KICS2: variants seen among roughly 807,000 people sequenced by gnomAD.
The protein encoded by KICS2 is KICSTOR complex protein C12orf66.
A neutral mutation model predicts 31.4 loss-of-function variants in KICS2; 13 were observed. The ratio of observed to expected loss-of-function variants is 0.41; its 90% CI spans 0.27 to 0.66. The LOEUF (loss-of-function observed/expected upper bound fraction) is 0.66. Ranked by LOEUF, KICS2 falls within the 30% of genes least tolerant of loss-of-function variation. KICS2 has a pLI of 0.28. For missense variants in KICS2, 455 were observed against 545.4 expected (o/e 0.83, Z 1.65); for synonymous variants, 209 against 214.8 (o/e 0.97, Z 0.24).
intron 1 of KICS2, among the ~76,000 whole-genome samples, chr12:64,219,391 G>C (rs2037658001): frequency 1.3e-5 from 2 of 152,124 alleles, no homozygotes; most frequent in South Asian, 2.1e-4. Context: ...CTCTCTTAAA[G>C]GAAAGAGAAG....
At chr12:64,195,929 A>G (rs1189267199) in intron 2 of KICS2, among the ~76,000 whole-genome samples, 7 of 152,258 alleles carry the variant, frequency 4.6e-5, no homozygotes, top group African/African-American at 7.2e-5. Context: ...ATTATATCCC[A>G]CACCTGGCTT....
intron 2 of KICS2, among the ~76,000 whole-genome samples, chr12:64,196,034 G>A (rs1482846612): frequency 1.3e-5 from 2 of 152,288 alleles, no homozygotes; most frequent in Admixed American, 6.5e-5. Flanking sequence ...AGGGGCGCCC[G>A]CCATTGCCCA....
intron 1 of KICS2, among the ~76,000 whole-genome samples, chr12:64,220,272 T>C (rs755765222): frequency 2.0e-5 from 3 of 152,164 alleles, no homozygotes; most frequent in Non-Finnish European, 4.4e-5. Context: ...AATTTACACA[T>C]TGAGGACCAC....
chr12:64,189,539 A>G (rs905100173), downstream of KICS2, among the ~76,000 whole-genome samples: 1 of 152,226 alleles, frequency 6.6e-6, no homozygotes, highest in African/African-American at 2.4e-5. Flanking sequence ...TTACACGAGA[A>G]GTAAACTAAA....
intron 1 of KICS2, among the ~76,000 whole-genome samples, chr12:64,221,108 AC>A (rs2037677866): frequency 1.2e-5 from 1 of 81,846 alleles, no homozygotes; most frequent in South Asian, 4.9e-4. Flanking sequence ...TGGTTAGGGA[AC>A]GGGGGGGGGT....
rs1174546546 is a variant in KICS2, at chr12:64,194,087, T to C, written c.1093A>G (p.Ile365Val). 2 of 1,614,180 alleles carry C rather than the reference T, an allele frequency of 1.2e-6. No homozygotes were observed. The highest frequency in any genetic ancestry group is 1.7e-6 in the Non-Finnish European group (2 of 1,180,032). Reference sequence around the variant, plus strand: ...GATGTGCGGTCCGTCATGATCATGATGACATTGGGCCAGTGCATGACTGGC... The same window carrying C: ...GATGTGCGGTCCGTCATGATCATGACGACATTGGGCCAGTGCATGACTGGC... ...DRPVMHWPNVIMIMTDRTSDL... is the reference protein window; with the variant it reads ...DRPVMHWPNVVMIMTDRTSDL... Residue 365 changes from isoleucine to valine, a missense_variant, in exon 3 of 3, where the codon ATC becomes GTC. Coordinates refer to ENST00000398055, the MANE Select transcript of KICS2 (RefSeq NM_152440.5).
chr12:64,218,262 C>T (rs763463925), intron 1 of KICS2, among the ~76,000 whole-genome samples: 5 of 152,166 alleles, frequency 3.3e-5, no homozygotes, highest in Non-Finnish European at 7.3e-5. Flanking sequence ...TAAAACCTCT[C>T]GGCTTAGGAG....
At position 64,194,586 on chromosome 12, in the gene KICS2, C is replaced by A. The variant is rs2037414993; in HGVS notation, c.594G>T (p.Leu198=). The A allele has an allele frequency of 1.9e-6, 3 of 1,614,122 alleles. No homozygotes were observed. The highest frequency in any genetic ancestry group is 2.5e-6 in the Non-Finnish European group (3 of 1,180,032). Residue 198 remains leucine, a synonymous_variant, in exon 3 of 3, where the codon CTG becomes CTT. Transcript: ENST00000398055. The part of the protein sequence containing the change: ...QLEVDVLCHL[L]KAQAQVSEWK... ...ACTCTGAGACCTGGGCCTGGGCTTT[C>A]AGGAGATGACACAGGACGTCAACTT...
chr12:64,202,613 T>G (rs1481822612), intron 2 of KICS2, among the ~76,000 whole-genome samples: 3 of 148,734 alleles, frequency 2.0e-5, no homozygotes, highest in Non-Finnish European at 4.5e-5. Context: ...CTAATATATA[T>G]AGATATTTTC....
Position 64,210,293 on chromosome 12 carries a change from C to T in KICS2, c.521+5385G>A, listed in dbSNP as rs75711780. The stretch of plus-strand genomic sequence containing the variant: ...GATGGAAATTGTAGATGAAAAAAGA[C>T]ATCTCTTGTCCATACTGTAATCCAG... On this transcript the variant is annotated intron_variant, in intron 2 of 2. Coordinates refer to ENST00000398055, the MANE Select transcript of KICS2 (RefSeq NM_152440.5). 3.2e-3 allele frequency among the ~76,000 whole-genome samples: 481 copies of T among 152,318 alleles called. 2 individuals carry two copies. Among genetic ancestry groups the T allele is most frequent in the Non-Finnish European group, 5.1e-3 (347 of 68,030 alleles).
chr12:64,196,300 C>A (rs1215919820), intron 2 of KICS2, among the ~76,000 whole-genome samples: 1 of 146,770 alleles, frequency 6.8e-6, no homozygotes, highest in Non-Finnish European at 1.5e-5. Flanking sequence ...CCCCTGACCC[C>A]CGAGCAGCCT....
At chr12:64,207,949 A>G (rs543280527) in intron 2 of KICS2, among the ~76,000 whole-genome samples, 13 of 152,318 alleles carry the variant, frequency 8.5e-5, no homozygotes, top group South Asian at 8.3e-4. Context: ...GTATTAGACT[A>G]TGGGGCTGTT....
At chr12:64,218,682 C>A (rs938424793) in intron 1 of KICS2, among the ~76,000 whole-genome samples, 3 of 150,832 alleles carry the variant, frequency 2.0e-5, no homozygotes, top group African/African-American at 7.3e-5. Context: ...AAAGGGATAT[C>A]ATCTGTCTCT....
intron 1 of KICS2, among the ~76,000 whole-genome samples, chr12:64,217,872 AAAG>A (rs892892254): frequency 6.6e-6 from 1 of 151,976 alleles, no homozygotes; most frequent in African/African-American, 2.4e-5. Flanking sequence ...AAAGAAAAGA[AAAG>A]AAAGGAAAGG....
At chr12:64,202,852 A>AG (rs1565716736) in intron 2 of KICS2, among the ~76,000 whole-genome samples, 1 of 151,992 alleles carries the variant, frequency 6.6e-6, no homozygotes, top group Non-Finnish European at 1.5e-5. Context: ...TTCTAGGCAC[A>AG]GGGAAAAAAG....
Position 64,191,560 on chromosome 12 carries a change from T to C in KICS2, c.*2282A>G, listed in dbSNP as rs1211686250. The C allele has an allele frequency of 6.6e-6, 1 of 152,164 alleles. No individual in the cohort carries two copies. Among genetic ancestry groups the C allele is most frequent in the African/African-American group, 2.4e-5 (1 of 41,444 alleles). The allele number at this position is 152,164 out of a possible 1,614,324, so 9.4% of individuals were successfully genotyped here. A position where few individuals can be genotyped will look rare whatever the true frequency, so the allele number is the denominator to read the frequency against. ...ATCTAAGAGGAAAAAAATACATGCA[T>C]ACCAAGGAATATTTTTCAGTTTCTT... is the stretch of plus-strand genomic sequence containing the variant. On this transcript the variant is annotated 3_prime_UTR_variant, in exon 3 of 3. Transcript: ENST00000398055.
rs935868453 is a variant in KICS2 at position 64,192,555 on chromosome 12, C to T, written c.*1287G>A. 2.8e-5 allele frequency: 27 copies of T among 966,250 alleles called. No individual in the cohort carries two copies. In the South Asian group the frequency reaches 4.8e-4, roughly 17 times the overall value. The allele number at this position is 966,250 out of a possible 1,614,324, so 59.9% of individuals were successfully genotyped here. A position where few individuals can be genotyped will look rare whatever the true frequency, so the allele number is the denominator to read the frequency against. ...TGGACACCCAGTAAAACAGTGGCTC[C>T]ACACAATCATGGGAAAAAAGACGAA... On this transcript the variant is annotated 3_prime_UTR_variant, in exon 3 of 3. Coordinates refer to ENST00000398055, the MANE Select transcript of KICS2 (RefSeq NM_152440.5).
Position 64,192,574 on chromosome 12 carries a change from A to T in KICS2, c.*1268T>A. The T allele has an allele frequency of 3.1e-6, 3 of 982,566 alleles. No homozygotes were observed. The highest frequency in any genetic ancestry group is 3.6e-6 in the Non-Finnish European group (3 of 827,300). The allele number at this position is 982,566 out of a possible 1,614,324, so 60.9% of individuals were successfully genotyped here. A position where few individuals can be genotyped will look rare whatever the true frequency, so the allele number is the denominator to read the frequency against. On this transcript the variant is annotated 3_prime_UTR_variant, in exon 3 of 3. Transcript: ENST00000398055. Reference sequence around the variant, plus strand: ...TGGCTCCACACAATCATGGGAAAAAAGACGAATATGACCATTACATTTCAC... The same window carrying T: ...TGGCTCCACACAATCATGGGAAAAATGACGAATATGACCATTACATTTCAC...
At chr12:64,195,851 GA>G (rs1249353554) in intron 2 of KICS2, among the ~76,000 whole-genome samples, 1 of 152,244 alleles carries the variant, frequency 6.6e-6, no homozygotes, top group Non-Finnish European at 1.5e-5. Context: ...GACGCACCTG[GA>G]AAATCGGGTC....
Sources: allele counts gnomAD v4.1 joint callset (sites outside exome capture counted in the v4.1 genomes callset), GRCh38; gene constraint gnomAD v4.1.1; transcripts MANE v1.5; gene names NCBI Gene and HGNC (gene_info 2026-07-23, HGNC 2026-07-21).